ANKFN1: variants seen among roughly 807,000 people sequenced by gnomAD.
The protein encoded by ANKFN1 is ankyrin repeat and fibronectin type III domain containing 1, also known as ankyrin repeat and fibronectin type-III domain-containing protein 1.
A neutral mutation model predicts 108.7 loss-of-function variants in ANKFN1; 74 were observed. That is an observed-to-expected ratio of 0.68 (90% CI 0.56 to 0.83). The LOEUF is 0.83. ANKFN1 is among the 40% of genes least tolerant of loss of function. ANKFN1 has a pLI of 0.00. For synonymous variants in ANKFN1, 547 were observed against 516.2 expected, an observed-to-expected ratio of 1.06 and a Z score of -0.81; for missense variants, 1,505 against 1,382.3, an observed-to-expected ratio of 1.09 and a Z score of -1.41.
chr17:56,412,634 A>G (rs1213422883), intron 8 of ANKFN1, among the ~76,000 whole-genome samples: 3 of 152,194 alleles, frequency 2.0e-5, no homozygotes, highest in Admixed American at 6.5e-5. Context: ...TCAGACTCCA[A>G]GTTCTTCAGC....
At chr17:56,466,662 A>G (rs2050083949) in intron 15 of ANKFN1, 91 bp downstream of exon 15, 1 of 1,090,614 alleles carries the variant, frequency 9.2e-7, no homozygotes, top group Admixed American at 2.3e-5. Flanking sequence ...AGCCATTTAC[A>G]TATGCAGTGA....
chr17:56,079,708 G>A (rs7207271), intron 4 of ANKFN1, among the ~76,000 whole-genome samples: 88,274 of 151,984 alleles, frequency 0.58, 26,649 homozygotes, highest in Middle Eastern at 0.68. Context: ...TTTGGGGCCA[G>A]TAAAAAATAT....
At chr17:56,119,003 C>T (rs1218132129) in intron 4 of ANKFN1, among the ~76,000 whole-genome samples, 1 of 151,866 alleles carries the variant, frequency 6.6e-6, no homozygotes, top group Non-Finnish European at 1.5e-5. Flanking sequence ...CATGGAGGTT[C>T]GAGGAGGTGA....
intron 4 of ANKFN1, among the ~76,000 whole-genome samples, chr17:56,127,048 G>A (rs1367694): frequency 0.16 from 23,712 of 152,128 alleles, 2,025 homozygotes; most frequent in East Asian, 0.28. Context: ...GGGCACTGAA[G>A]CTAGGTCCAG....
At chr17:56,244,043 G>T (rs922738005) in intron 3 of ANKFN1, among the ~76,000 whole-genome samples, 4 of 152,032 alleles carry the variant, frequency 2.6e-5, no homozygotes, top group African/African-American at 9.7e-5. Flanking sequence ...AAAGCAGGAA[G>T]GTGGAGATAG....
intron 3 of ANKFN1, among the ~76,000 whole-genome samples, chr17:56,264,166 C>T (rs1409931061): frequency 6.6e-6 from 1 of 152,180 alleles, no homozygotes; most frequent in Non-Finnish European, 1.5e-5. Context: ...AAATGTTGGT[C>T]AAATCTGTGG....
chr17:56,057,607 C>T (rs1010472152), intron 4 of ANKFN1, among the ~76,000 whole-genome samples: 8 of 152,002 alleles, frequency 5.3e-5, no homozygotes, highest in African/African-American at 1.9e-4. Context: ...CCAACATGGT[C>T]AAAACCAGTC....
At chr17:56,469,666 A>G (rs762168800) in intron 15 of ANKFN1, among the ~76,000 whole-genome samples, 3 of 152,162 alleles carry the variant, frequency 2.0e-5, no homozygotes, top group Non-Finnish European at 4.4e-5. Flanking sequence ...CAAAAAACCT[A>G]CTTCATAGGG....
intron 1 of ANKFN1, among the ~76,000 whole-genome samples, chr17:56,163,860 T>C (rs1909905896): frequency 6.6e-6 from 1 of 152,194 alleles, no homozygotes; most frequent in Admixed American, 6.5e-5. Context: ...CTCCCATCTA[T>C]GAGGGAGAAA....
At chr17:56,399,454 A>G (rs927003642) in intron 8 of ANKFN1, among the ~76,000 whole-genome samples, 1 of 151,890 alleles carries the variant, frequency 6.6e-6, no homozygotes, top group Non-Finnish European at 1.5e-5. Context: ...CTCTCATCAC[A>G]CAAGTCATAA....
chr17:56,228,117 A>C, intron 3 of ANKFN1, 160 bp downstream of exon 3: 1 of 593,668 alleles, frequency 1.7e-6, no homozygotes, highest in African/African-American at 1.9e-5. Flanking sequence ...GTATAACATC[A>C]TGGAACATTT....
chr17:56,306,366 A>G (rs184478544), intron 3 of ANKFN1, among the ~76,000 whole-genome samples: 4 of 152,316 alleles, frequency 2.6e-5, no homozygotes, highest in Admixed American at 6.5e-5. Context: ...CAAGTCCTGT[A>G]TGTGTTTTGT....
At chr17:56,235,486 G>C (rs1917056013) in intron 3 of ANKFN1, among the ~76,000 whole-genome samples, 1 of 152,032 alleles carries the variant, frequency 6.6e-6, no homozygotes, top group Non-Finnish European at 1.5e-5. Context: ...TATAGTTTTG[G>C]GTTTTACATT....
intron 4 of ANKFN1, among the ~76,000 whole-genome samples, chr17:56,048,764 G>C (rs1904723222): frequency 6.6e-6 from 1 of 152,210 alleles, no homozygotes; most frequent in Non-Finnish European, 1.5e-5. Flanking sequence ...AGGAGGGGAA[G>C]CCAGCCTAGT....
intron 4 of ANKFN1, among the ~76,000 whole-genome samples, chr17:56,338,031 T>C (rs929993927): frequency 6.6e-6 from 1 of 152,152 alleles, no homozygotes; most frequent in Non-Finnish European, 1.5e-5. Flanking sequence ...CTATTCACAA[T>C]AGCAAAGACT....
chr17:56,091,418 TCACACACACACACA>T (rs34588908), intron 4 of ANKFN1, among the ~76,000 whole-genome samples: 2,329 of 136,918 alleles, frequency 0.017, 90 homozygotes, highest in Middle Eastern at 0.029. Flanking sequence ...TCCAAACAAA[TCACACACACACACA>T]CACACACACA....
intron 17 of ANKFN1, 46 bp from the exon 18 acceptor site, chr17:56,482,310 C>T: frequency 6.7e-7 from 1 of 1,483,656 alleles, no homozygotes; most frequent in Non-Finnish European, 9.0e-7. Context: ...ATGTAAGTGC[C>T]ATGTTGTAAC....
At chr17:56,291,618 G>A (rs1318945337) in intron 3 of ANKFN1, among the ~76,000 whole-genome samples, 1 of 152,174 alleles carries the variant, frequency 6.6e-6, no homozygotes, top group Non-Finnish European at 1.5e-5. Flanking sequence ...CAGTGGCCTA[G>A]AGTAACCTTC....
At chr17:56,403,330 A>G (rs1440460718) in intron 8 of ANKFN1, among the ~76,000 whole-genome samples, 1 of 152,050 alleles carries the variant, frequency 6.6e-6, no homozygotes, top group African/African-American at 2.4e-5. Context: ...GTTGCTGTCT[A>G]TCTCATTTCT....
Sources: gnomAD v4.1 joint callset for allele counts (sites outside exome capture counted in the v4.1 genomes callset) on GRCh38, gnomAD v4.1.1 for gene constraint, MANE v1.5 for transcripts, NCBI Gene and HGNC (gene_info 2026-07-23, HGNC 2026-07-21) for gene names.